Variants in DACH2 observed in about 807,000 individuals in gnomAD.
The protein encoded by DACH2 is dachshund family transcription factor 2.
In DACH2, 17 loss-of-function variants were observed where a neutral mutation model predicts 35.8. That is an observed-to-expected ratio of 0.48 (90% CI 0.33 to 0.71). DACH2 has a LOEUF of 0.71. Among genes scored for constraint, DACH2 ranks in the 30% least tolerant of loss-of-function variants. The pLI is 0.02. For synonymous variants in DACH2, 195 were observed against 177.3 expected, an observed-to-expected ratio of 1.10 and a Z score of -0.79; for missense variants, 469 against 472.7, an observed-to-expected ratio of 0.99 and a Z score of 0.07.
chrX:86,591,541 A>ATTTTTT (rs566345938), intron 3 of DACH2, among the ~76,000 whole-genome samples: 2,768 of 93,152 alleles, frequency 0.03, 88 homozygotes, highest in East Asian at 0.1. Flanking sequence ...TTCTTTGGCT[A>ATTTTTT]TTTTTTTTTT....
intron 2 of DACH2, among the ~76,000 whole-genome samples, chrX:86,430,381 G>A (rs1420612086): frequency 1.8e-5 from 2 of 112,328 alleles, no homozygotes; most frequent in Non-Finnish European, 3.8e-5. Context: ...TTGATTATAT[G>A]TTGAAATTAT....
chrX:86,571,405 T>A (rs1306146490), intron 3 of DACH2, among the ~76,000 whole-genome samples: 2 of 110,511 alleles, frequency 1.8e-5, no homozygotes, highest in African/African-American at 6.6e-5. Flanking sequence ...CATTAACTTG[T>A]CATTTAGCAT....
At chrX:86,439,638 AT>A (rs2037127349) in intron 2 of DACH2, among the ~76,000 whole-genome samples, 1 of 109,618 alleles carries the variant, frequency 9.1e-6, no homozygotes, top group Non-Finnish European at 1.9e-5. Context: ...TTCCACTCTA[AT>A]TTTTCTTCTT....
chrX:86,559,820 G>T, intron 3 of DACH2, among the ~76,000 whole-genome samples: 1 of 47,777 alleles, frequency 2.1e-5, no homozygotes, highest in Non-Finnish European at 3.5e-5. Context: ...CTTTTATTTT[G>T]AGCCTATGTG....
intron 4 of DACH2, among the ~76,000 whole-genome samples, chrX:86,690,891 A>G (rs988463407): frequency 8.9e-6 from 1 of 111,876 alleles, no homozygotes; most frequent in Non-Finnish European, 1.9e-5. Context: ...CTTTATTGTC[A>G]TCAATTTAGT....
chrX:86,274,488 TTCTG>T lies in DACH2; in HGVS notation c.489-102334_489-102331del, dbSNP rs1569324716. ...TTCTTTTTTTTTTGAGACGGAGTCTTTCTGTTTTTTTTTTTTTTTTTTTTTGAGA... is the reference window on the plus strand; with the variant it reads ...TTCTTTTTTTTTTGAGACGGAGTCTTTTTTTTTTTTTTTTTTTTTTTGAGA... On this transcript the variant is annotated intron_variant, in intron 1 of 11. Transcript: ENST00000373125. 9.1e-4 allele frequency among the ~76,000 whole-genome samples: 17 copies of T among 18,580 alleles called. 2 individuals are homozygous for T. The highest frequency in any genetic ancestry group is 7.3e-3 in the African/African-American group (16 of 2,197). 16.1% of individuals were successfully genotyped at this position (18,580 alleles called of 115,157 possible). A position where few individuals can be genotyped will look rare whatever the true frequency, so the allele number is the denominator to read the frequency against.
chrX:86,597,741 G>A (rs1484904445), intron 3 of DACH2, among the ~76,000 whole-genome samples: 1 of 111,202 alleles, frequency 9.0e-6, no homozygotes, highest in Non-Finnish European at 1.9e-5. Flanking sequence ...TTTTCTATGT[G>A]TTATTGTAAG....
At chrX:86,391,725 G>T (rs1024634443) in intron 2 of DACH2, among the ~76,000 whole-genome samples, 3 of 111,265 alleles carry the variant, frequency 2.7e-5, no homozygotes, top group African/African-American at 9.8e-5. Flanking sequence ...TGGTGTAAGG[G>T]ATATAAAATC....
At chrX:86,404,136 G>C (rs1000080924) in intron 2 of DACH2, among the ~76,000 whole-genome samples, 2 of 110,528 alleles carry the variant, frequency 1.8e-5, no homozygotes, top group African/African-American at 6.6e-5. Flanking sequence ...TGAGATTTTT[G>C]TGGGGACACA....
Position 86,148,817 on chromosome X carries a change from A to G in DACH2, c.197A>G (p.Asn66Ser). Reference protein sequence around the residue: ...GGGGRGNTNTNECRMVDMHGM... With the variant: ...GGGGRGNTNTSECRMVDMHGM... ...GGCGGCAGGGGCAACACCAACACCA[A>G]CGAGTGCCGCATGGTCGACATGCAC... Residue 66 changes from asparagine to serine, a missense_variant, in exon 1 of 12, where the codon AAC becomes AGC. Physicochemically the swap from Asn to Ser is conservative, Grantham distance 46. Coordinates refer to ENST00000373125, the MANE Select transcript of DACH2 (RefSeq NM_053281.3). 2 of 1,211,624 alleles carry G rather than the reference A, an allele frequency of 1.7e-6. No individual in the cohort carries two copies. The highest frequency in any genetic ancestry group is 2.2e-6 in the Non-Finnish European group (2 of 895,494).
At chrX:86,650,595 C>A (rs1459589008) in intron 3 of DACH2, among the ~76,000 whole-genome samples, 3 of 111,315 alleles carry the variant, frequency 2.7e-5, no homozygotes, top group Non-Finnish European at 5.7e-5. Flanking sequence ...AAATAACTGT[C>A]CAAAACTCTT....
chrX:86,823,765 ACC>A (rs2042536408), intron 11 of DACH2, among the ~76,000 whole-genome samples: 2 of 111,321 alleles, frequency 1.8e-5, no homozygotes, highest in Admixed American at 1.9e-4. Flanking sequence ...TATTGGTAGG[ACC>A]GTGATGCCTA....
chrX:86,275,564 C>T (rs2033901952), intron 1 of DACH2, among the ~76,000 whole-genome samples: 1 of 111,569 alleles, frequency 9.0e-6, no homozygotes, highest in Admixed American at 9.5e-5. Context: ...TTGAATCACT[C>T]TCTTTAAGTT....
At chrX:86,380,845 C>G (rs1408653889) in intron 2 of DACH2, among the ~76,000 whole-genome samples, 2 of 109,894 alleles carry the variant, frequency 1.8e-5, no homozygotes, top group Non-Finnish European at 3.8e-5. Context: ...TAAGATGTAT[C>G]AAACTGTTGT....
intron 1 of DACH2, among the ~76,000 whole-genome samples, chrX:86,241,724 C>T (rs2033169420): frequency 8.9e-6 from 1 of 112,361 alleles, no homozygotes; most frequent in African/African-American, 3.2e-5. Context: ...GGCCCTAAGG[C>T]CTAGGAGGAT....
In DACH2 at chrX:86,276,114, C is replaced by G. The variant is rs376528542; in HGVS notation, c.489-100710C>G. Among the ~76,000 whole-genome samples the G allele has an allele frequency of 4.8e-4, 54 of 111,816 alleles. 1 individual carries two copies. The East Asian group carries it at 5.9e-3, about 12-fold the overall frequency. ...GGATCATATGATATCTTAAACTGTT[C>G]TCCACAGTGGTTGTACTAATTTACA... On this transcript the variant is annotated intron_variant, in intron 1 of 11. Transcript: ENST00000373125.
chrX:86,589,046 T>C (rs1228822964), intron 3 of DACH2, among the ~76,000 whole-genome samples: 1 of 111,752 alleles, frequency 8.9e-6, no homozygotes, highest in Admixed American at 9.6e-5. Flanking sequence ...TTCAATGCCT[T>C]GTTCGTTGAG....
At chrX:86,827,643 T>G in intron 11 of DACH2, 1 of 554,232 alleles carries the variant, frequency 1.8e-6, no homozygotes, top group Admixed American at 2.7e-5. Context: ...ATCTTGAACA[T>G]ATATAGCACA....
chrX:86,794,419 G>A (rs2042215829), intron 7 of DACH2, among the ~76,000 whole-genome samples: 1 of 110,419 alleles, frequency 9.1e-6, no homozygotes, highest in Non-Finnish European at 1.9e-5. Context: ...GAGTATCTGT[G>A]GGGATACTAC....
Sources: gnomAD v4.1 joint callset for allele counts (sites outside exome capture counted in the v4.1 genomes callset) on GRCh38, gnomAD v4.1.1 for gene constraint, MANE v1.5 for transcripts, NCBI Gene and HGNC (gene_info 2026-07-23, HGNC 2026-07-21) for gene names.